The following YBX1 variants were observed in gnomAD, a reference collection of about 807,000 sequenced individuals.
YBX1 encodes the protein Y-box binding protein 1, also known as Y-box-binding protein 1.
YBX1 carries 3 observed loss-of-function variants against 41.4 expected under a neutral mutation model. The observed-to-expected ratio is 0.07, with a 90% confidence interval of 0.03 to 0.19. The LOEUF is 0.19. Ranked by LOEUF, YBX1 falls within the 10% of genes least tolerant of loss-of-function variation. The pLI is 1.00. For synonymous variants in YBX1, 133 were observed against 165.8 expected (o/e 0.80, Z 1.52); for missense variants, 274 against 462.8 (o/e 0.59, Z 3.74).
chr1:42,698,095 TTTA>T (rs1402931830), intron 6 of YBX1, among the ~76,000 whole-genome samples: 40 of 152,176 alleles, frequency 2.6e-4, no homozygotes, highest in African/African-American at 9.7e-4. Context: ...AAGTGTCAAG[TTTA>T]TTATTCTAGA....
Position 42,693,538 on chromosome 1 carries a change from A to C in YBX1, c.264+15A>C, listed in dbSNP as rs1441601182. ...TTGTACACCAGGTGAGTGCTTGTGTAGATATTTGCACTTCTGATTCAAGGA... is the reference window on the plus strand; with the variant it reads ...TTGTACACCAGGTGAGTGCTTGTGTCGATATTTGCACTTCTGATTCAAGGA... On this transcript the variant is annotated intron_variant, in intron 3 of 7. Coordinates refer to ENST00000321358, the MANE Select transcript of YBX1 (RefSeq NM_004559.5). The C allele has an allele frequency of 6.2e-7, 1 of 1,613,112 alleles. No homozygotes were observed. The highest frequency in any genetic ancestry group is 1.1e-5 in the South Asian group (1 of 90,966).
intron 2 of YBX1, among the ~76,000 whole-genome samples, chr1:42,691,686 A>C (rs2148738162): frequency 6.6e-6 from 1 of 152,154 alleles, no homozygotes; most frequent in East Asian, 1.9e-4. Context: ...TTCTCCACAG[A>C]AGCTGCATTT....
Position 42,699,158 on chromosome 1 carries a change from G to T in YBX1, c.741-1623G>T, listed in dbSNP as rs199499307. Among the ~76,000 whole-genome samples the T allele has an allele frequency of 2.0e-5, 3 of 152,260 alleles. No homozygotes were observed. The East Asian group carries it at 5.8e-4, about 29-fold the overall frequency. On this transcript the variant is annotated intron_variant, in intron 6 of 7. Coordinates refer to ENST00000321358, the MANE Select transcript of YBX1 (RefSeq NM_004559.5). ...TGGAACTGTTTTCTTTCTCAGAGAG[G>T]GTAGGGTTTTGCCCACAGGTGAAAA...
chr1:42,695,957 A>G (rs770114416), intron 3 of YBX1, among the ~76,000 whole-genome samples: 4 of 152,208 alleles, frequency 2.6e-5, no homozygotes, highest in Non-Finnish European at 5.9e-5. Flanking sequence ...TGAGTGTTAA[A>G]TTACTTGTTT....
intron 6 of YBX1, among the ~76,000 whole-genome samples, chr1:42,700,134 CA>C (rs1650558377): frequency 6.6e-6 from 1 of 152,062 alleles, no homozygotes; most frequent in Non-Finnish European, 1.5e-5. Flanking sequence ...TCATGAGTTC[CA>C]AAAGATGTGG....
In YBX1 at chr1:42,682,678, G is replaced by A. The variant is rs1384008221; in HGVS notation, c.113G>A (p.Gly38Asp). Reference protein sequence around the residue: ...GTTGSGAGSGGPGGLTSAAPA... With the variant: ...GTTGSGAGSGDPGGLTSAAPA... ...ACGGGCAGCGGCGCAGGGAGCGGTG[G>A]CCCGGGCGGCCTCACATCGGCGGCG... Residue 38 changes from glycine (G) to aspartate (D), a missense_variant, in exon 1 of 8, where the codon GGC (glycine) becomes GAC (aspartate). Coordinates refer to ENST00000321358, the MANE Select transcript of YBX1 (RefSeq NM_004559.5). 2 of 1,275,802 alleles carry A rather than the reference G, an allele frequency of 1.6e-6. No individual in the cohort carries two copies. The highest frequency in any genetic ancestry group is 3.1e-5 in the African/African-American group (2 of 64,086). The allele number at this position is 1,275,802 out of a possible 1,614,324, so 79.0% of individuals were successfully genotyped here.
At chr1:42,697,401 C>T (rs1470625685) in intron 6 of YBX1, 139 bp downstream of exon 6, 2 of 748,392 alleles carry the variant, frequency 2.7e-6, no homozygotes, top group Non-Finnish European at 4.2e-6. Context: ...AGAGGTGAAC[C>T]TATTAAAAAC....
chr1:42,696,369 A>C lies in YBX1; in HGVS notation c.354+81A>C, dbSNP rs1650457677. 2.9e-6 allele frequency: 4 copies of C among 1,391,458 alleles called. No individual in the cohort carries two copies. In the South Asian group the frequency reaches 5.1e-5, roughly 18 times the overall value. The allele number at this position is 1,391,458 out of a possible 1,614,324, so 86.2% of individuals were successfully genotyped here. A position where few individuals can be genotyped will look rare whatever the true frequency, so the allele number is the denominator to read the frequency against. ...CTCATCCATTAGGATGGTGGCTCTA[A>C]TGTGGATGGATGTGTTCAGGTGACC... is the stretch of plus-strand genomic sequence containing the variant. On this transcript the variant is annotated intron_variant, in intron 4 of 7. Transcript: ENST00000321358. This position sits in a 1 kb window ranked among gnomAD's most constrained non-coding sequence, Gnocchi z 5.7.
chr1:42,688,778 G>A (rs1234739573), intron 2 of YBX1, among the ~76,000 whole-genome samples: 1 of 152,142 alleles, frequency 6.6e-6, no homozygotes, highest in Admixed American at 6.5e-5. Context: ...CTATAGATGA[G>A]GTCTACAGCT....
rs766423055 is a variant in YBX1 at position 42,701,055 on chromosome 1, G to A, written c.*31+9G>A. ...TCTCTACCATCATCCGGGTAAGCAA[G>A]CTTGGATGGCCATCCATTTATGGCA... On this transcript the variant is annotated intron_variant, in intron 7 of 7. Transcript: ENST00000321358. 9 of 1,602,108 alleles carry A rather than the reference G, an allele frequency of 5.6e-6. No individual in the cohort carries two copies. The highest frequency in any genetic ancestry group is 2.2e-5 in the East Asian group (1 of 44,698).
At chr1:42,687,707 G>GT (rs781115013) in intron 2 of YBX1, among the ~76,000 whole-genome samples, 1 of 152,148 alleles carries the variant, frequency 6.6e-6, no homozygotes, top group Non-Finnish European at 1.5e-5. Context: ...CTGGGCTCAA[G>GT]TGATCTTCCA....
At position 42,685,338 on chromosome 1, in the gene YBX1, CTTTG is replaced by C. The variant is rs1434313326; in HGVS notation, c.230+1877_230+1880del. On this transcript the variant is annotated intron_variant, in intron 2 of 7. Coordinates refer to ENST00000321358, the MANE Select transcript of YBX1 (RefSeq NM_004559.5). ...AGTTATGAATTGGCTTTTGATGGTC[CTTTG>C]TTTGGACTATCCTAACCTCAATTAT... Among the ~76,000 whole-genome samples the C allele has an allele frequency of 5.3e-5, 8 of 152,152 alleles. No homozygotes were observed. In the South Asian group the frequency reaches 6.2e-4, roughly 12 times the overall value.
intron 1 of YBX1, 192 bp from the exon 2 acceptor site, chr1:42,683,211 C>T (rs751551836): frequency 2.0e-5 from 14 of 716,984 alleles, no homozygotes; most frequent in Non-Finnish European, 3.3e-5. Flanking sequence ...CCCTGGAGCG[C>T]CCCGCGCTTC....
At chr1:42,682,880 C>T (rs1333783322) in intron 1 of YBX1, 149 bp downstream of exon 1, 3 of 326,474 alleles carry the variant, frequency 9.2e-6, no homozygotes, top group East Asian at 6.4e-5. Context: ...CCCCCTCACT[C>T]CCTCTCGCGG....
rs188009120 is a variant in YBX1 at position 42,702,108 on chromosome 1, A to G, written c.*159A>G. 2 of 155,006 alleles carry G rather than the reference A, an allele frequency of 1.3e-5. No homozygotes were observed. The highest frequency in any genetic ancestry group is 6.5e-5 in the Admixed American group (1 of 15,308). 9.6% of individuals were successfully genotyped at this position (155,006 alleles called of 1,614,324 possible). A position where few individuals can be genotyped will look rare whatever the true frequency, so the allele number is the denominator to read the frequency against. ...ATAAATAGAACTATCTGCATTATCTATGCAGCATGGGGTTTTTATTATTTT... is the reference window on the plus strand; with the variant it reads ...ATAAATAGAACTATCTGCATTATCTGTGCAGCATGGGGTTTTTATTATTTT... On this transcript the variant is annotated 3_prime_UTR_variant, in exon 8 of 8. Coordinates refer to ENST00000321358, the MANE Select transcript of YBX1 (RefSeq NM_004559.5).
chr1:42,686,009 C>T (rs188924693), intron 2 of YBX1, among the ~76,000 whole-genome samples: 1 of 152,120 alleles, frequency 6.6e-6, no homozygotes, highest in Non-Finnish European at 1.5e-5. Flanking sequence ...TTGAGTTATT[C>T]TTTTGTGAAC....
intron 5 of YBX1, 28 bp from the exon 6 acceptor site, chr1:42,697,152 T>G (rs780389884): frequency 6.2e-7 from 1 of 1,606,384 alleles, no homozygotes. Flanking sequence ...ACTGACCCAG[T>G]AGGCTTAATT....
rs1570427830 is a variant in YBX1 at position 42,703,178 on chromosome 1, C to T, written c.*1229C>T. Reference sequence around the variant, plus strand: ...TGACCTTGTGATCCGCCCGCCTCAGCCTCCCAAAGTGCTGGGATTACAGGT... The same window carrying T: ...TGACCTTGTGATCCGCCCGCCTCAGTCTCCCAAAGTGCTGGGATTACAGGT... On this transcript the variant is annotated 3_prime_UTR_variant, in exon 8 of 8. Coordinates refer to ENST00000321358, the MANE Select transcript of YBX1 (RefSeq NM_004559.5). Among the ~76,000 whole-genome samples, 1 of 152,142 alleles carries T rather than the reference C, an allele frequency of 6.6e-6. No individual in the cohort carries two copies. Among genetic ancestry groups the T allele is most frequent in the East Asian group, 1.9e-4 (1 of 5,192 alleles).
rs1050722784 is a variant in YBX1 at position 42,682,761 on chromosome 1, C to T, written c.166+30C>T. 18 of 1,192,760 alleles carry T rather than the reference C, an allele frequency of 1.5e-5. No individual in the cohort carries two copies. In the African/African-American group the frequency reaches 2.2e-4, roughly 15 times the overall value. 73.9% of individuals were successfully genotyped at this position (1,192,760 alleles called of 1,614,324 possible). On this transcript the variant is annotated intron_variant, in intron 1 of 7. Coordinates refer to ENST00000321358, the MANE Select transcript of YBX1 (RefSeq NM_004559.5). ...GGACCGGACAGGGACGGGGGTGGGG[C>T]CCTCGGGCAGCCCAGCAGCGGAACC... is the stretch of plus-strand genomic sequence containing the variant.
Sources: gnomAD v4.1 joint callset for allele counts (sites outside exome capture counted in the v4.1 genomes callset) on GRCh38, gnomAD v4.1.1 for gene constraint, Gnocchi (gnomAD v3.1) non-coding constraint, MANE v1.5 for transcripts, NCBI Gene and HGNC (gene_info 2026-07-23, HGNC 2026-07-21) for gene names.